CADM1: variants seen among roughly 807,000 people sequenced by gnomAD.
CADM1 encodes cell adhesion molecule 1.
In CADM1, 15 loss-of-function variants were observed where a neutral mutation model predicts 53.1. That is an observed-to-expected ratio of 0.28 (90% CI 0.19 to 0.44). CADM1 has a LOEUF of 0.44. Among genes scored for constraint, CADM1 ranks in the 20% least tolerant of loss-of-function variants. The pLI, the probability that CADM1 is intolerant of heterozygous loss-of-function variation, is 1.00. For synonymous variants in CADM1, 281 were observed against 243.0 expected, an observed-to-expected ratio of 1.16 and a Z score of -1.45; for missense variants, 434 against 611.3, an observed-to-expected ratio of 0.71 and a Z score of 3.06.
At chr11:115,249,001 A>T (rs1942503097) in intron 1 of CADM1, among the ~76,000 whole-genome samples, 1 of 152,228 alleles carries the variant, frequency 6.6e-6, no homozygotes, top group Non-Finnish European at 1.5e-5. Flanking sequence ...ATCTGAAGGC[A>T]GAGGCTTCTT....
At chr11:115,214,468 C>G in intron 7 of CADM1, 140 bp downstream of exon 7, 1 of 785,816 alleles carries the variant, frequency 1.3e-6, no homozygotes, top group Non-Finnish European at 2.2e-6. Flanking sequence ...GGGTCCACCT[C>G]AGGCCAGGCT....
At chr11:115,320,949 T>C (rs1944809181) in intron 1 of CADM1, among the ~76,000 whole-genome samples, 1 of 152,164 alleles carries the variant, frequency 6.6e-6, no homozygotes, top group Admixed American at 6.6e-5. Context: ...ATGAGATAAA[T>C]AATTATTCTA....
At chr11:115,359,189 T>C (rs910279677) in intron 1 of CADM1, among the ~76,000 whole-genome samples, 1 of 152,194 alleles carries the variant, frequency 6.6e-6, no homozygotes, top group African/African-American at 2.4e-5. Flanking sequence ...TTATGAAGAC[T>C]GACAGTTTTC....
intron 11 of CADM1, among the ~76,000 whole-genome samples, chr11:115,176,866 G>A (rs993395132): frequency 2.0e-5 from 3 of 152,190 alleles, no homozygotes; most frequent in Non-Finnish European, 4.4e-5. Flanking sequence ...AGAAGAAGAC[G>A]TGAGTGGGAG....
intron 5 of CADM1, among the ~76,000 whole-genome samples, chr11:115,219,701 G>T (rs1025226959): frequency 2.0e-5 from 3 of 152,108 alleles, no homozygotes; most frequent in African/African-American, 7.2e-5. Flanking sequence ...ACCAGCACTG[G>T]GTGGCTCAAG....
chr11:115,271,263 GTTGTTGTTGTTGTT>G (rs1377835703), intron 1 of CADM1, among the ~76,000 whole-genome samples: 1 of 151,816 alleles, frequency 6.6e-6, no homozygotes, highest in Non-Finnish European at 1.5e-5. Context: ...TATAGTTTAT[GTTGTTGTTGTTGTT>G]TTGTTGTTGT....
At chr11:115,315,029 A>T (rs951036912) in intron 1 of CADM1, among the ~76,000 whole-genome samples, 2 of 152,174 alleles carry the variant, frequency 1.3e-5, no homozygotes, top group Non-Finnish European at 2.9e-5. Flanking sequence ...TAAACAGTTT[A>T]ATCTAGGTAC....
At chr11:115,501,479 C>T (rs1054423761) in intron 1 of CADM1, among the ~76,000 whole-genome samples, 4 of 152,150 alleles carry the variant, frequency 2.6e-5, no homozygotes, top group Non-Finnish European at 4.4e-5. Context: ...CTGGTTCACT[C>T]GGGATCGTAA....
chr11:115,424,795 G>A (rs1168430819), intron 1 of CADM1, among the ~76,000 whole-genome samples: 3 of 151,806 alleles, frequency 2.0e-5, no homozygotes, highest in Non-Finnish European at 2.9e-5. Flanking sequence ...CAAAGTGCTG[G>A]GATTTCAGGC....
rs534520764 is a variant in CADM1, at chr11:115,381,681, T to C, written c.124+122590A>G. Among the ~76,000 whole-genome samples, 3 of 152,232 alleles carry C rather than the reference T, an allele frequency of 2.0e-5. No homozygotes were observed. The South Asian group carries it at 6.2e-4, about 32-fold the overall frequency. On this transcript the variant is annotated intron_variant, in intron 1 of 11. Coordinates refer to ENST00000331581, the MANE Select transcript of CADM1 (RefSeq NM_001301043.2). ...ACCATATGTAAACTATTGAAAACAA[T>C]ACCTGACACACGAAGTACATTAATC... is the stretch of plus-strand genomic sequence containing the variant.
At chr11:115,247,339 A>G (rs897662840) in intron 1 of CADM1, among the ~76,000 whole-genome samples, 10 of 152,164 alleles carry the variant, frequency 6.6e-5, no homozygotes, top group African/African-American at 2.4e-4. Flanking sequence ...CTTGACACCA[A>G]TTAAGGTCTA....
chr11:115,258,640 C>T lies in CADM1; in HGVS notation c.125-18220G>A, dbSNP rs201181863. ...TGAACCTTGTCATGGACACTGGCAG[C>T]CAAAACCAAGAAGCTAAAACTCTAC... On this transcript the variant is annotated intron_variant, in intron 1 of 11. Coordinates refer to ENST00000331581, the MANE Select transcript of CADM1 (RefSeq NM_001301043.2). Among the ~76,000 whole-genome samples the T allele has an allele frequency of 2.0e-5, 3 of 152,266 alleles. No individual in the cohort carries two copies. The East Asian group carries it at 5.8e-4, about 29-fold the overall frequency.
chr11:115,445,823 T>C (rs1214450360), intron 1 of CADM1: 3 of 448,376 alleles, frequency 6.7e-6, no homozygotes, highest in South Asian at 4.7e-5. Flanking sequence ...CCAGCCTGGG[T>C]GATGAAGTGA....
intron 1 of CADM1, among the ~76,000 whole-genome samples, chr11:115,311,759 T>C (rs1318480732): frequency 2.0e-5 from 3 of 152,118 alleles, no homozygotes; most frequent in Admixed American, 6.6e-5. Context: ...TTTCATGTTA[T>C]CATTTTTATC....
intron 1 of CADM1, among the ~76,000 whole-genome samples, chr11:115,448,958 C>T (rs975230127): frequency 6.6e-5 from 10 of 152,162 alleles, no homozygotes; most frequent in African/African-American, 1.9e-4. Flanking sequence ...TCACCTTAGA[C>T]ACAATCCCAT....
At chr11:115,228,039 A>G (rs1941678508) in intron 5 of CADM1, among the ~76,000 whole-genome samples, 1 of 152,226 alleles carries the variant, frequency 6.6e-6, no homozygotes, top group Non-Finnish European at 1.5e-5. Flanking sequence ...AAGTGTCCTC[A>G]GAAAAACACA....
intron 3 of CADM1, among the ~76,000 whole-genome samples, chr11:115,237,802 C>T (rs370350266): frequency 6.6e-6 from 1 of 152,152 alleles, no homozygotes; most frequent in Non-Finnish European, 1.5e-5. Context: ...TAAAATTGAA[C>T]ATGGAAACCT....
Position 115,240,347 on chromosome 11 carries a change from G to C in CADM1, c.198C>G (p.Val66=), listed in dbSNP as rs200294235. 1 of 1,613,670 alleles carries C rather than the reference G, an allele frequency of 6.2e-7. No individual in the cohort carries two copies. Among genetic ancestry groups the C allele is most frequent in the East Asian group, 2.2e-5 (1 of 44,826 alleles). Residue 66 remains valine, a synonymous_variant, in exon 2 of 12, where the codon GTC becomes GTG. Coordinates refer to ENST00000331581, the MANE Select transcript of CADM1 (RefSeq NM_001301043.2). ...EGEVATISCQ[V]NKSDDSVIQL... is the part of the protein sequence containing the mutation. ...GAATCACAGAGTCGTCACTCTTATT[G>C]ACTTGGCAACTGATGGTCGCAACCT...
chr11:115,428,364 T>C (rs1444016810), intron 1 of CADM1, among the ~76,000 whole-genome samples: 2 of 152,176 alleles, frequency 1.3e-5, no homozygotes, highest in Non-Finnish European at 2.9e-5. Context: ...ATAATTCTTA[T>C]AATGCCCTCA....
Sources: allele counts gnomAD v4.1 joint callset (sites outside exome capture counted in the v4.1 genomes callset), GRCh38; gene constraint gnomAD v4.1.1; transcripts MANE v1.5; gene names NCBI Gene and HGNC (gene_info 2026-07-23, HGNC 2026-07-21).